DOCK1: variants seen among roughly 807,000 people sequenced by gnomAD.
DOCK1 encodes the protein dedicator of cytokinesis protein 1.
In DOCK1, 138 loss-of-function variants were observed where a neutral mutation model predicts 262.7. That is an observed-to-expected ratio of 0.53 (90% CI 0.46 to 0.61). The LOEUF is 0.61. Among genes scored for constraint, DOCK1 ranks in the 20% least tolerant of loss-of-function variants. DOCK1 has a pLI of 0.00. For missense variants in DOCK1, 1,908 were observed against 2,370.7 expected, an observed-to-expected ratio of 0.80 and a Z score of 4.05; for synonymous variants, 866 against 867.4, an observed-to-expected ratio of 1.00 and a Z score of 0.03.
intron 23 of DOCK1, among the ~76,000 whole-genome samples, chr10:127,064,799 A>G (rs573016893): frequency 2.3e-4 from 35 of 152,292 alleles, no homozygotes; most frequent in African/African-American, 8.2e-4. Flanking sequence ...GTTCAGTGGC[A>G]TTAAGTACAG....
intron 29 of DOCK1, among the ~76,000 whole-genome samples, chr10:127,308,803 A>T (rs1003853087): frequency 6.6e-6 from 1 of 152,214 alleles, no homozygotes; most frequent in Admixed American, 6.5e-5. Context: ...TCCGTGGTGT[A>T]TATGTGCCAC....
At chr10:127,269,978 C>T (rs900770463) in intron 29 of DOCK1, among the ~76,000 whole-genome samples, 1 of 152,240 alleles carries the variant, frequency 6.6e-6, no homozygotes, top group Non-Finnish European at 1.5e-5. Context: ...GCACTGTCTA[C>T]AGAGCCTCTC....
intron 48 of DOCK1, among the ~76,000 whole-genome samples, chr10:127,436,064 G>A (rs989033756): frequency 1.3e-5 from 2 of 152,278 alleles, no homozygotes; most frequent in East Asian, 3.9e-4. Context: ...GAAATGTTTG[G>A]TTGTTGCTTA....
intron 1 of DOCK1, among the ~76,000 whole-genome samples, chr10:126,915,622 C>T (rs1564980043): frequency 6.6e-6 from 1 of 152,152 alleles, no homozygotes. Flanking sequence ...GGTTTAGTTA[C>T]TAACACGGGT....
At chr10:127,346,554 C>G (rs532902336) in intron 31 of DOCK1, among the ~76,000 whole-genome samples, 2 of 152,270 alleles carry the variant, frequency 1.3e-5, no homozygotes, top group South Asian at 4.1e-4. Flanking sequence ...CATGATCACA[C>G]GACTGCGCTC....
At chr10:127,382,997 C>G (rs1462662685) in intron 37 of DOCK1, among the ~76,000 whole-genome samples, 1 of 152,108 alleles carries the variant, frequency 6.6e-6, no homozygotes, top group Non-Finnish European at 1.5e-5. Context: ...ATCTTTTGCC[C>G]CGTTACATTT....
At position 126,998,147 on chromosome 10, in the gene DOCK1, C is replaced by T; in HGVS notation, c.665C>T (p.Ser222Phe). 6.2e-7 allele frequency: 1 copy of T among 1,614,048 alleles called. No individual in the cohort carries two copies. The highest frequency in any genetic ancestry group is 8.5e-7 in the Non-Finnish European group (1 of 1,179,894). Reference protein sequence around the residue: ...NRQAKFAATPSLALFVNLKNV... With the variant: ...NRQAKFAATPFLALFVNLKNV... ...CAAGCCAAGTTTGCTGCAACCCCTTCTCTGGCCTTGTTTGTGAACCTCAAA... is the reference window on the plus strand; with the variant it reads ...CAAGCCAAGTTTGCTGCAACCCCTTTTCTGGCCTTGTTTGTGAACCTCAAA... Residue 222 changes from serine to phenylalanine, a missense_variant, in exon 8 of 52, where the codon TCT (serine) becomes TTT (phenylalanine). This residue lies in a region of DOCK1 where 227 missense variants were observed against 254.1 expected (regional missense o/e 0.89). Coordinates refer to ENST00000623213, the MANE Select transcript of DOCK1 (RefSeq NM_001290223.2).
chr10:127,192,879 G>A (rs1004699392), intron 27 of DOCK1: 8 of 152,102 alleles, frequency 5.3e-5, no homozygotes, highest in African/African-American at 1.9e-4. Context: ...TCTGTATTCT[G>A]TCCTTAATGT....
At chr10:126,970,642 C>A in intron 1 of DOCK1, 60 bp from the exon 2 acceptor site, 1 of 1,364,586 alleles carries the variant, frequency 7.3e-7, no homozygotes, top group Non-Finnish European at 1.0e-6. Context: ...GCCAACACGA[C>A]TCAGCATGGT....
rs559967515 is a variant in DOCK1, at chr10:126,927,233, TC to T, written c.46+21671del. The stretch of plus-strand genomic sequence containing the variant: ...CATGATAGCAGATTTCCGTCTCTGA[TC>T]TGCTTTTTCTTTCAGTTTGGATTTG... On this transcript the variant is annotated intron_variant, in intron 1 of 51. Transcript: ENST00000623213. Among the ~76,000 whole-genome samples, 281 of 152,312 alleles carry T rather than the reference TC, an allele frequency of 1.8e-3. 2 individuals are homozygous for T. The highest frequency in any genetic ancestry group is 6.5e-3 in the African/African-American group (270 of 41,578).
At chr10:127,287,019 T>C (rs1014132681) in intron 29 of DOCK1, among the ~76,000 whole-genome samples, 54 of 151,890 alleles carry the variant, frequency 3.6e-4, no homozygotes, top group African/African-American at 1.2e-3. Context: ...GCCGTTCTCC[T>C]GCCTCAGCCT....
intron 29 of DOCK1, among the ~76,000 whole-genome samples, chr10:127,275,527 C>A (rs1485910278): frequency 1.3e-5 from 2 of 151,932 alleles, no homozygotes; most frequent in Non-Finnish European, 2.9e-5. Flanking sequence ...AGCTGTGATA[C>A]CAGGAGAGTT....
chr10:126,965,026 G>A (rs2037556313), intron 1 of DOCK1, among the ~76,000 whole-genome samples: 1 of 152,178 alleles, frequency 6.6e-6, no homozygotes, highest in Non-Finnish European at 1.5e-5. Flanking sequence ...GCTACTGTGG[G>A]AAATCCAATG....
chr10:127,274,191 G>A (rs1221059686), intron 29 of DOCK1, among the ~76,000 whole-genome samples: 1 of 152,084 alleles, frequency 6.6e-6, no homozygotes, highest in African/African-American at 2.4e-5. Context: ...CCTGGTCCTG[G>A]CTACCGTTGA....
intron 10 of DOCK1, among the ~76,000 whole-genome samples, chr10:127,002,688 T>C (rs1472040022): frequency 6.6e-6 from 1 of 152,194 alleles, no homozygotes; most frequent in Admixed American, 6.5e-5. Flanking sequence ...CCCCTACCTG[T>C]GTAGTGTTGG....
intron 28 of DOCK1, 68 bp from the exon 29 acceptor site, chr10:127,257,267 T>C: frequency 4.8e-6 from 6 of 1,255,568 alleles, no homozygotes; most frequent in South Asian, 1.3e-5. Context: ...ATAATCTAAT[T>C]GACAGGAGGG....
chr10:127,385,920 T>G (rs7089833), intron 38 of DOCK1, among the ~76,000 whole-genome samples: 114,778 of 152,096 alleles, frequency 0.75, 43,507 homozygotes, highest in African/African-American at 0.84. Flanking sequence ...CTCTCCTCCA[T>G]CAGGTCCTCA....
rs2048173895 is a variant in DOCK1 at position 127,100,468 on chromosome 10, G to A, written c.2446-5763G>A. Among the ~76,000 whole-genome samples, 1 of 152,168 alleles carries A rather than the reference G, an allele frequency of 6.6e-6. No homozygotes were observed. Among genetic ancestry groups the A allele is most frequent in the South Asian group, 2.1e-4 (1 of 4,824 alleles). On this transcript the variant is annotated intron_variant, in intron 23 of 51. Coordinates refer to ENST00000623213, the MANE Select transcript of DOCK1 (RefSeq NM_001290223.2). This position sits in a 1 kb window ranked among gnomAD's most constrained non-coding sequence, Gnocchi z 5.5. ...CAGCGGTGGCTTCCACCAAGGCAGG[G>A]GGAGTTTGCAATGTCTAGGGTCAGC...
chr10:127,319,912 G>A (rs1432972947), intron 29 of DOCK1, among the ~76,000 whole-genome samples: 1 of 152,196 alleles, frequency 6.6e-6, no homozygotes, highest in African/African-American at 2.4e-5. Context: ...CAAGACGCTG[G>A]CTAGCCTTTG....
Sources: gnomAD v4.1 joint callset for allele counts (sites outside exome capture counted in the v4.1 genomes callset) on GRCh38, gnomAD v4.1.1 for gene constraint, gnomAD v4.1.1 regional missense constraint, Gnocchi (gnomAD v3.1) non-coding constraint, MANE v1.5 for transcripts, NCBI Gene and HGNC (gene_info 2026-07-23, HGNC 2026-07-21) for gene names.